TMEM51: variants seen among roughly 807,000 people sequenced by gnomAD.
TMEM51 encodes transmembrane protein 51, also known as chromosome 1 open reading frame 72.
TMEM51 carries 8 observed loss-of-function variants against 13.6 expected under a neutral mutation model. The observed-to-expected ratio is 0.59, with a 90% CI of 0.35 to 1.07. The LOEUF (loss-of-function observed/expected upper bound fraction) is 1.07. Among genes scored for constraint, TMEM51 ranks in the 50% least tolerant of loss-of-function variants. The pLI is 0.02. For missense variants in TMEM51, 279 were observed against 330.7 expected (o/e 0.84, Z 1.21); for synonymous variants, 147 against 144.4 (o/e 1.02, Z -0.13).
intron 1 of TMEM51, among the ~76,000 whole-genome samples, chr1:15,172,875 C>T (rs899824728): frequency 6.6e-6 from 1 of 152,164 alleles, no homozygotes; most frequent in African/African-American, 2.4e-5. Context: ...ACACTACCTG[C>T]TCATTGGTCA....
chr1:15,205,190 G>A (rs562118820), intron 1 of TMEM51, among the ~76,000 whole-genome samples: 17 of 152,290 alleles, frequency 1.1e-4, no homozygotes, highest in African/African-American at 4.1e-4. Context: ...CGCTGCTTCT[G>A]CTTCTGGTCC....
intron 1 of TMEM51, among the ~76,000 whole-genome samples, chr1:15,156,433 TC>T (rs756409910): frequency 1.3e-5 from 2 of 152,144 alleles, no homozygotes; most frequent in Non-Finnish European, 2.9e-5. Context: ...TGGATTCTCT[TC>T]CCCCAGCCCC....
chr1:15,175,607 T>C (rs1358538621), intron 1 of TMEM51, among the ~76,000 whole-genome samples: 1 of 152,194 alleles, frequency 6.6e-6, no homozygotes, highest in Non-Finnish European at 1.5e-5. Flanking sequence ...AGAGGTTTAA[T>C]TGACTCACAG....
At chr1:15,190,646 C>T (rs1033279106) in intron 1 of TMEM51, among the ~76,000 whole-genome samples, 8 of 152,132 alleles carry the variant, frequency 5.3e-5, no homozygotes, top group African/African-American at 1.9e-4. Context: ...TGACTATTTA[C>T]GTTACATGGT....
At chr1:15,172,994 G>A (rs1308342909) in intron 1 of TMEM51, among the ~76,000 whole-genome samples, 2 of 152,126 alleles carry the variant, frequency 1.3e-5, no homozygotes, top group Non-Finnish European at 2.9e-5. Context: ...CGTATCCCCC[G>A]AGGATATGTA....
In TMEM51 at chr1:15,219,622, A is replaced by C. The variant is rs753132732; in HGVS notation, c.641A>C (p.Lys214Thr). Residue 214 changes from lysine to threonine, a missense_variant, in exon 4 of 4, where the codon AAA becomes ACA. Physicochemically the swap from Lys to Thr is moderately conservative, Grantham distance 78. Transcript: ENST00000376008. ...RRIKSEKLHLKDFRINLPDKN... is the reference protein window; with the variant it reads ...RRIKSEKLHLTDFRINLPDKN... Reference sequence around the variant, plus strand: ...ATTAAATCTGAAAAGCTTCACCTCAAAGACTTTAGGATCAACCTCCCAGAC... The same window carrying C: ...ATTAAATCTGAAAAGCTTCACCTCACAGACTTTAGGATCAACCTCCCAGAC... The C allele has an allele frequency of 1.9e-6, 3 of 1,614,010 alleles. No homozygotes were observed. The highest frequency in any genetic ancestry group is 2.5e-6 in the Non-Finnish European group (3 of 1,180,028).
chr1:15,178,334 G>A (rs1008821726), intron 1 of TMEM51, among the ~76,000 whole-genome samples: 1 of 152,134 alleles, frequency 6.6e-6, no homozygotes, highest in Admixed American at 6.5e-5. Flanking sequence ...ATATCCTTGA[G>A]CTCAGCCGAT....
At chr1:15,213,019 C>T (rs1037347236) in intron 2 of TMEM51, among the ~76,000 whole-genome samples, 1 of 152,250 alleles carries the variant, frequency 6.6e-6, no homozygotes, top group African/African-American at 2.4e-5. Context: ...TGGGAATCCT[C>T]TCCCACATAG....
chr1:15,163,095 C>T (rs1642844761), intron 1 of TMEM51, among the ~76,000 whole-genome samples: 1 of 151,914 alleles, frequency 6.6e-6, no homozygotes, highest in African/African-American at 2.4e-5. Context: ...GTCATTTGGC[C>T]ATATCATTGC....
intron 3 of TMEM51, 64 bp downstream of exon 3, chr1:15,215,495 T>C: frequency 7.2e-7 from 1 of 1,387,884 alleles, no homozygotes; most frequent in South Asian, 1.4e-5. Context: ...TGCACACACA[T>C]GTTCACACCT....
intron 1 of TMEM51, among the ~76,000 whole-genome samples, chr1:15,200,407 C>CAAAAA (rs55755539): frequency 2.1e-4 from 14 of 67,960 alleles, no homozygotes; most frequent in East Asian, 5.6e-4. Context: ...GACTCTGTCT[C>CAAAAA]AAAAAAAAAA....
chr1:15,205,390 G>A (rs980832805), intron 1 of TMEM51, among the ~76,000 whole-genome samples: 7 of 152,112 alleles, frequency 4.6e-5, no homozygotes, highest in African/African-American at 1.7e-4. Context: ...CATCGCTGTG[G>A]GATTACTGAG....
chr1:15,171,197 C>T lies in TMEM51; in HGVS notation c.-267+17243C>T, dbSNP rs188709623. The T allele has an allele frequency of 3.6e-4, 469 of 1,303,382 alleles. 3 individuals are homozygous for T. The East Asian group carries it at 0.011, about 31-fold the overall frequency. 80.7% of individuals were successfully genotyped at this position (1,303,382 alleles called of 1,614,324 possible). ...ATTTCTAACCAGCTCCTGGGTGACG[C>T]TGATGCTGTTGATTTGGGGCCACGC... On this transcript the variant is annotated intron_variant, in intron 1 of 3. Transcript: ENST00000376008.
chr1:15,177,997 C>T (rs1047339900), intron 1 of TMEM51, among the ~76,000 whole-genome samples: 1 of 152,246 alleles, frequency 6.6e-6, no homozygotes, highest in Non-Finnish European at 1.5e-5. Flanking sequence ...AAATGACACA[C>T]TGACGTTCAC....
intron 1 of TMEM51, among the ~76,000 whole-genome samples, chr1:15,197,849 T>C (rs1644080600): frequency 6.6e-6 from 1 of 151,706 alleles, no homozygotes; most frequent in Non-Finnish European, 1.5e-5. Context: ...TCTGAAACTA[T>C]GTCCCTTTCC....
At position 15,219,510 on chromosome 1, in the gene TMEM51, GCTGACGTGGAGGCCAGCC is replaced by G. The variant is rs1229922604; in HGVS notation, c.533_550del (p.Asp178_Pro183del). 2 of 1,614,060 alleles carry G rather than the reference GCTGACGTGGAGGCCAGCC, an allele frequency of 1.2e-6. No homozygotes were observed. Among genetic ancestry groups the G allele is most frequent in the Admixed American group, 3.3e-5 (2 of 60,018 alleles). ...CGAGACCACCCCCACATCCACCAGGGCTGACGTGGAGGCCAGCCCTGGGAACCCCCCTGACAGGCAGAA... is the reference window on the plus strand; with the variant it reads ...CGAGACCACCCCCACATCCACCAGGGCTGGGAACCCCCCTGACAGGCAGAA... On this transcript the variant is annotated inframe_deletion, in exon 4 of 4. Transcript: ENST00000376008.
chr1:15,215,310 A>AAGC lies in TMEM51; in HGVS notation c.223_224insAGC (p.Met75delinsLysLeu). On this transcript the variant is annotated protein_altering_variant, in exon 3 of 4. Transcript: ENST00000376008. ...CTACGTGCTGGTCGGGGCCGGGGTG[A>AAGC]TGCTGCTGCTGCTTTCTATCTGCCT... 1 of 1,614,138 alleles carries AAGC rather than the reference A, an allele frequency of 6.2e-7. No individual in the cohort carries two copies. The highest frequency in any genetic ancestry group is 8.5e-7 in the Non-Finnish European group (1 of 1,180,026).
At chr1:15,212,636 T>A (rs1269033950) in intron 2 of TMEM51, among the ~76,000 whole-genome samples, 1 of 152,198 alleles carries the variant, frequency 6.6e-6, no homozygotes, top group African/African-American at 2.4e-5. Context: ...AACCGGTGCA[T>A]TCCTAAGGCT....
At chr1:15,196,416 G>A (rs750535442) in intron 1 of TMEM51, among the ~76,000 whole-genome samples, 2 of 151,972 alleles carry the variant, frequency 1.3e-5, no homozygotes, top group Non-Finnish European at 2.9e-5. Flanking sequence ...GTGTGCGTGT[G>A]CATGCACACA....
Sources: gnomAD v4.1 joint callset for allele counts (sites outside exome capture counted in the v4.1 genomes callset) on GRCh38, gnomAD v4.1.1 for gene constraint, MANE v1.5 for transcripts, NCBI Gene and HGNC (gene_info 2026-07-23, HGNC 2026-07-21) for gene names.